Variants in PCDHGA3 observed in about 807,000 individuals in gnomAD.
PCDHGA3 encodes the protein protocadherin gamma subfamily A, 3.
A neutral mutation model predicts 58.5 loss-of-function variants in PCDHGA3; 40 were observed. The observed-to-expected ratio is 0.68, with a 90% CI of 0.53 to 0.89. PCDHGA3 has a LOEUF of 0.89. Ranked by LOEUF, PCDHGA3 falls within the 40% of genes least tolerant of loss-of-function variation. PCDHGA3 has a pLI of 0.00. For missense variants in PCDHGA3, 1,223 were observed against 1,195.9 expected (o/e 1.02, Z -0.33); for synonymous variants, 530 against 525.7 (o/e 1.01, Z -0.11).
Position 141,491,665 on chromosome 5 carries a change from C to T in PCDHGA3, c.2425-3142C>T, listed in dbSNP as rs749918160. 6.2e-7 allele frequency: 1 copy of T among 1,613,764 alleles called. No homozygotes were observed. The highest frequency in any genetic ancestry group is 8.5e-7 in the Non-Finnish European group (1 of 1,180,000). On this transcript the variant is annotated intron_variant, in intron 1 of 3. Transcript: ENST00000253812. The surrounding 1 kb of genome is among the most constrained non-coding windows in gnomAD (Gnocchi z 6.9). ...TCTGGCGCTGGAGCCTGACGCCATCCGGTCCCGCTCTAATACGCTGCGGGA... is the reference window on the plus strand; with the variant it reads ...TCTGGCGCTGGAGCCTGACGCCATCTGGTCCCGCTCTAATACGCTGCGGGA...
intron 1 of PCDHGA3, among the ~76,000 whole-genome samples, chr5:141,454,268 G>A (rs2098785692): frequency 6.6e-6 from 1 of 152,126 alleles, no homozygotes; most frequent in African/African-American, 2.4e-5. Context: ...AGTAATGCCA[G>A]CAAAAACTTC....
chr5:141,492,632 C>G (rs1359761285), intron 1 of PCDHGA3, among the ~76,000 whole-genome samples: 1 of 152,256 alleles, frequency 6.6e-6, no homozygotes, highest in Non-Finnish European at 1.5e-5. Flanking sequence ...CAGGACTCTA[C>G]GATCCTTGGG....
chr5:141,345,217 A>G lies in PCDHGA3; in HGVS notation c.1184A>G (p.Glu395Gly). 6.2e-7 allele frequency: 1 copy of G among 1,613,966 alleles called. No individual in the cohort carries two copies. The highest frequency in any genetic ancestry group is 8.5e-7 in the Non-Finnish European group (1 of 1,179,892). ...CTGGGAAATCTGCCATTTAAGTTAG[A>G]AAAATCAATAGATCAATATTACCGC... ...FVLGNLPFKL[E>G]KSIDQYYRLV... The change falls in exon 1 of 4, where the codon GAA becomes GGA. Residue 395 changes from glutamate to glycine, a missense_variant. Transcript: ENST00000253812.
At chr5:141,421,376 C>T in intron 1 of PCDHGA3, 2 of 1,614,030 alleles carry the variant, frequency 1.2e-6, no homozygotes, top group Non-Finnish European at 1.7e-6. Context: ...GGCAATATCT[C>T]CAAGGACCTG....
At chr5:141,383,600 A>G (rs1429825116) in intron 1 of PCDHGA3, 2 of 1,613,728 alleles carry the variant, frequency 1.2e-6, no homozygotes, top group South Asian at 2.2e-5. Flanking sequence ...ACAGTGGTGG[A>G]TGTGAATGAC....
intron 2 of PCDHGA3, among the ~76,000 whole-genome samples, chr5:141,498,421 A>C (rs1328848787): frequency 6.6e-6 from 1 of 152,016 alleles, no homozygotes; most frequent in Non-Finnish European, 1.5e-5. Flanking sequence ...CTGGCACTGG[A>C]GTGAGGGGAT....
intron 1 of PCDHGA3, among the ~76,000 whole-genome samples, chr5:141,484,752 A>G (rs181317421): frequency 6.6e-5 from 10 of 151,098 alleles, no homozygotes; most frequent in Admixed American, 3.3e-4. Context: ...AAAAAAATGT[A>G]TATATATATA....
intron 1 of PCDHGA3, chr5:141,389,767 G>T: frequency 1.2e-6 from 2 of 1,613,028 alleles, no homozygotes; most frequent in Non-Finnish European, 1.7e-6. Context: ...CGCACAGCGC[G>T]TGCCTTAGGC....
At chr5:141,355,185 C>G (rs1431983846) in intron 1 of PCDHGA3, 1 of 1,588,764 alleles carries the variant, frequency 6.3e-7, no homozygotes. Flanking sequence ...ACAGGCGACT[C>G]CGCGGCGGGG....
At position 141,485,060 on chromosome 5, in the gene PCDHGA3, G is replaced by A. The variant is rs191055161; in HGVS notation, c.2425-9747G>A. 155 of 862,304 alleles carry A rather than the reference G, an allele frequency of 1.8e-4. No individual in the cohort carries two copies. The African/African-American group carries it at 2.3e-3, about 13-fold the overall frequency. 53.4% of individuals were successfully genotyped at this position (862,304 alleles called of 1,614,324 possible). ...ACCCTTGCGGCGCCGGCCGAACCGCGCCAGAGCTGGCGCGGGGAAAGGGAG... is the reference window on the plus strand; with the variant it reads ...ACCCTTGCGGCGCCGGCCGAACCGCACCAGAGCTGGCGCGGGGAAAGGGAG... On this transcript the variant is annotated intron_variant, in intron 1 of 3. Transcript: ENST00000253812. This position sits in a 1 kb window ranked among gnomAD's most constrained non-coding sequence, Gnocchi z 5.7.
chr5:141,472,980 C>CAAAAAAAAAAAAAAAAAGAAAAAAAAA (rs2099309731), intron 1 of PCDHGA3, among the ~76,000 whole-genome samples: 1 of 86,106 alleles, frequency 1.2e-5, no homozygotes, highest in Non-Finnish European at 2.5e-5. Flanking sequence ...GAGTGAAACT[C>CAAAAAAAAAAAAAAAAAGAAAAAAAAA]AAAAAAAAAA....
chr5:141,374,187 T>C (rs1770247069), intron 1 of PCDHGA3: 2 of 1,613,640 alleles, frequency 1.2e-6, no homozygotes, highest in Non-Finnish European at 1.7e-6. Context: ...CGCTACTCTA[T>C]TCCCGAGGAG....
intron 1 of PCDHGA3, chr5:141,421,516 T>C (rs199973694): frequency 6.8e-6 from 11 of 1,614,064 alleles, no homozygotes; most frequent in Non-Finnish European, 9.3e-6. Context: ...GGAGGAGCTC[T>C]GTGAGACGGT....
At position 141,372,855 on chromosome 5, in the gene PCDHGA3, A is replaced by T; in HGVS notation, c.2424+26398A>T. 7 of 1,456,148 alleles carry T rather than the reference A, an allele frequency of 4.8e-6. No homozygotes were observed. The South Asian group carries it at 6.7e-5, about 14-fold the overall frequency. 90.2% of individuals were successfully genotyped at this position (1,456,148 alleles called of 1,614,324 possible). On this transcript the variant is annotated intron_variant, in intron 1 of 3. Transcript: ENST00000253812. ...CCTTCCATAAATATAATTGGGTTTC[A>T]ATTCATTGATTTAGAGATAAAAAGA...
chr5:141,402,994 C>A (rs1253121982), intron 1 of PCDHGA3: 1 of 1,613,722 alleles, frequency 6.2e-7, no homozygotes, highest in Non-Finnish European at 8.5e-7. Context: ...GAAGATTAGT[C>A]CTGCTATGCT....
At chr5:141,424,068 G>T in intron 1 of PCDHGA3, 1 of 993,858 alleles carries the variant, frequency 1.0e-6, no homozygotes. Flanking sequence ...TCACTGATTT[G>T]TAGTTATATT....
At chr5:141,409,590 A>G (rs755702950) in intron 1 of PCDHGA3, 1 of 1,613,898 alleles carries the variant, frequency 6.2e-7, no homozygotes, top group Non-Finnish European at 8.5e-7. Context: ...CACGTGGCCG[A>G]GAACAACCCG....
In PCDHGA3 at chr5:141,375,076, G is replaced by A. The variant is rs1338311528; in HGVS notation, c.2424+28619G>A. 6 of 1,613,892 alleles carry A rather than the reference G, an allele frequency of 3.7e-6. No homozygotes were observed. In the African/African-American group the frequency reaches 5.3e-5, roughly 14 times the overall value. On this transcript the variant is annotated intron_variant, in intron 1 of 3. Coordinates refer to ENST00000253812, the MANE Select transcript of PCDHGA3 (RefSeq NM_018916.4). Reference sequence around the variant, plus strand: ...ATGGGCCAGGTCTTCGAGACAGAGCGAAAGTCTTAATAACTATCTTGGATG... The same window carrying A: ...ATGGGCCAGGTCTTCGAGACAGAGCAAAAGTCTTAATAACTATCTTGGATG...
At chr5:141,351,055 C>T (rs920408141) in intron 1 of PCDHGA3, 1 of 1,614,046 alleles carries the variant, frequency 6.2e-7, no homozygotes, top group Non-Finnish European at 8.5e-7. Flanking sequence ...TGGCCACAGA[C>T]CAGGATGAGG....
Sources: allele counts gnomAD v4.1 joint callset (sites outside exome capture counted in the v4.1 genomes callset), GRCh38; gene constraint gnomAD v4.1.1; non-coding constraint Gnocchi (gnomAD v3.1); transcripts MANE v1.5; gene names NCBI Gene and HGNC (gene_info 2026-07-23, HGNC 2026-07-21).